The following TMEM229B variants were observed in gnomAD, a reference collection of about 807,000 sequenced individuals.
TMEM229B encodes the protein chromosome 14 open reading frame 83.
A neutral mutation model predicts 13.7 loss-of-function variants in TMEM229B; 6 were observed. The observed-to-expected ratio is 0.44, with a 90% CI of 0.24 to 0.86. TMEM229B has a LOEUF of 0.86. TMEM229B is among the 40% of genes least tolerant of loss of function. The pLI, the probability that TMEM229B is intolerant of heterozygous loss-of-function variation, is 0.23. For synonymous variants in TMEM229B, 107 were observed against 102.1 expected (o/e 1.05, Z -0.29); for missense variants, 170 against 236.0 (o/e 0.72, Z 1.83).
At chr14:67,525,859 G>A (rs1357022879) in intron 1 of TMEM229B, among the ~76,000 whole-genome samples, 1 of 152,158 alleles carries the variant, frequency 6.6e-6, no homozygotes, top group East Asian at 1.9e-4. Flanking sequence ...GATGCCCTGT[G>A]CCCAGGAAAT....
At chr14:67,517,833 G>A (rs1194556960), upstream of TMEM229B, among the ~76,000 whole-genome samples, 1 of 152,216 alleles carries the variant, frequency 6.6e-6, no homozygotes, top group African/African-American at 2.4e-5. Context: ...GGGTTAGAGT[G>A]CTAGTAAAGG....
intron 1 of TMEM229B, among the ~76,000 whole-genome samples, chr14:67,505,435 C>T (rs771489260): frequency 6.6e-6 from 1 of 152,198 alleles, no homozygotes; most frequent in African/African-American, 2.4e-5. Context: ...GTGGGACACA[C>T]GTTGGCCATC....
chr14:67,518,224 G>A (rs1594720657), upstream of TMEM229B, among the ~76,000 whole-genome samples: 1 of 152,346 alleles, frequency 6.6e-6, no homozygotes, highest in East Asian at 1.9e-4. Flanking sequence ...GAGGAGCGGT[G>A]TGGTGGTATG....
chr14:67,506,255 T>C (rs78340807), intron 1 of TMEM229B, among the ~76,000 whole-genome samples: 13,421 of 152,178 alleles, frequency 0.088, 632 homozygotes, highest in African/African-American at 0.11. Context: ...GTTGAGACTA[T>C]GCTTGTAAGA....
At chr14:67,525,186 T>C (rs1182899650) in intron 1 of TMEM229B, among the ~76,000 whole-genome samples, 2 of 152,214 alleles carry the variant, frequency 1.3e-5, no homozygotes, top group African/African-American at 4.8e-5. Context: ...AGATAGTCAC[T>C]GTTAATCTCT....
chr14:67,526,049 C>A (rs2033363299), intron 1 of TMEM229B, among the ~76,000 whole-genome samples: 1 of 152,202 alleles, frequency 6.6e-6, no homozygotes, highest in Non-Finnish European at 1.5e-5. Context: ...ATATATGAGA[C>A]CTGTCTGTCA....
At chr14:67,516,078 A>G (rs1243556706), upstream of TMEM229B, among the ~76,000 whole-genome samples, 1 of 152,212 alleles carries the variant, frequency 6.6e-6, no homozygotes, top group Non-Finnish European at 1.5e-5. Context: ...TGGAAATTCC[A>G]CAATACCGAA....
chr14:67,508,392 C>A (rs972749867), intron 1 of TMEM229B, among the ~76,000 whole-genome samples: 2 of 151,998 alleles, frequency 1.3e-5, no homozygotes, highest in African/African-American at 2.4e-5. Context: ...AATATCTTGT[C>A]CAAATGATAA....
intron 2 of TMEM229B, among the ~76,000 whole-genome samples, chr14:67,476,227 C>T (rs2031184875): frequency 6.6e-6 from 1 of 152,332 alleles, no homozygotes; most frequent in South Asian, 2.1e-4. Context: ...TAATACCTAC[C>T]CAGCCTTGTG....
chr14:67,489,175 G>A (rs964894974), upstream of TMEM229B, among the ~76,000 whole-genome samples: 4 of 152,174 alleles, frequency 2.6e-5, no homozygotes, highest in Non-Finnish European at 2.9e-5. Flanking sequence ...TGAGGGGCAG[G>A]AAGGGCAGAA....
chr14:67,492,528 A>T (rs1336943018), upstream of TMEM229B, among the ~76,000 whole-genome samples: 7 of 152,200 alleles, frequency 4.6e-5, no homozygotes, highest in Admixed American at 3.3e-4. Flanking sequence ...CCATGTCCTT[A>T]GGGTGTCCTG....
rs561279270 is a variant in TMEM229B, at chr14:67,470,627, C to T, written c.*2793G>A. On this transcript the variant is annotated 3_prime_UTR_variant, in exon 3 of 3. Coordinates refer to ENST00000554480, the MANE Select transcript of TMEM229B (RefSeq NM_001348543.2). ...AGCAGCTGCCTCCCCAGGAGACCCA[C>T]GCAGAGTGAGGGACCAGGACAAAAG... The T allele has an allele frequency of 7.8e-5, 12 of 153,010 alleles. No individual in the cohort carries two copies. Among genetic ancestry groups the T allele is most frequent in the African/African-American group, 2.6e-4 (11 of 41,564 alleles). The allele number at this position is 153,010 out of a possible 1,614,324, so 9.5% of individuals were successfully genotyped here.
rs925611310 is a variant in TMEM229B, at chr14:67,473,285, G to A, written c.*135C>T. 47 of 1,256,808 alleles carry A rather than the reference G, an allele frequency of 3.7e-5. No homozygotes were observed. Among genetic ancestry groups the A allele is most frequent in the Non-Finnish European group, 4.3e-5 (39 of 904,522 alleles). The allele number at this position is 1,256,808 out of a possible 1,614,324, so 77.9% of individuals were successfully genotyped here. A position where few individuals can be genotyped will look rare whatever the true frequency, so the allele number is the denominator to read the frequency against. ...ACACCGGCCCCCGCGGACGTTAGGG[G>A]GCTCTGTGTGCCCTATAGGGCTGAG... is the stretch of plus-strand genomic sequence containing the variant. On this transcript the variant is annotated 3_prime_UTR_variant, in exon 3 of 3. Coordinates refer to ENST00000554480, the MANE Select transcript of TMEM229B (RefSeq NM_001348543.2). The surrounding 1 kb of genome is among the most constrained non-coding windows in gnomAD (Gnocchi z 6.5).
At chr14:67,511,270 G>T (rs551895426) in intron 1 of TMEM229B, among the ~76,000 whole-genome samples, 1 of 152,236 alleles carries the variant, frequency 6.6e-6, no homozygotes, top group South Asian at 2.1e-4. Context: ...CAAAGGAATG[G>T]CAGAAAGTGA....
intron 1 of TMEM229B, among the ~76,000 whole-genome samples, chr14:67,512,950 A>G (rs545490115): frequency 1.3e-5 from 2 of 152,310 alleles, no homozygotes; most frequent in East Asian, 3.9e-4. Flanking sequence ...CTTCCTGTAA[A>G]ATGACACCTT....
chr14:67,529,963 T>A (rs2033421331), intron 1 of TMEM229B, among the ~76,000 whole-genome samples: 1 of 152,108 alleles, frequency 6.6e-6, no homozygotes, highest in Non-Finnish European at 1.5e-5. Flanking sequence ...TGAGGCTTTT[T>A]TGGTGATATA....
chr14:67,479,441 G>A (rs1009530145), intron 2 of TMEM229B, among the ~76,000 whole-genome samples: 19 of 151,180 alleles, frequency 1.3e-4, no homozygotes, highest in African/African-American at 4.6e-4. Context: ...GTGGAAGCTG[G>A]GTGCAGTAGC....
chr14:67,503,202 A>G (rs995271780), intron 1 of TMEM229B, among the ~76,000 whole-genome samples: 2 of 152,238 alleles, frequency 1.3e-5, no homozygotes, highest in Non-Finnish European at 2.9e-5. Flanking sequence ...AGGAGTTAAA[A>G]GATCCTAACA....
intron 2 of TMEM229B, among the ~76,000 whole-genome samples, chr14:67,480,540 G>A (rs1315853944): frequency 6.6e-6 from 1 of 152,146 alleles, no homozygotes; most frequent in Non-Finnish European, 1.5e-5. Context: ...GGGCAGGAGA[G>A]AACAGATCCA....
Sources: gnomAD v4.1 joint callset for allele counts (sites outside exome capture counted in the v4.1 genomes callset) on GRCh38, gnomAD v4.1.1 for gene constraint, Gnocchi (gnomAD v3.1) non-coding constraint, MANE v1.5 for transcripts, NCBI Gene and HGNC (gene_info 2026-07-23, HGNC 2026-07-21) for gene names.